The following CEP162 variants were observed in gnomAD, a reference collection of about 807,000 sequenced individuals.
The protein encoded by CEP162 is centrosomal protein of 162 kDa.
A neutral mutation model predicts 169.2 loss-of-function variants in CEP162; 141 were observed. The observed-to-expected ratio is 0.83, with a 90% CI of 0.73 to 0.96. The LOEUF (loss-of-function observed/expected upper bound fraction) is 0.96, where lower values mean the gene tolerates loss of function less well. Ranked by LOEUF, CEP162 falls within the 40% of genes least tolerant of loss-of-function variation. The pLI, the probability that CEP162 is intolerant of heterozygous loss-of-function variation, is 0.00. For synonymous variants in CEP162, 540 were observed against 526.4 expected (o/e 1.03, Z -0.35); for missense variants, 1,600 against 1,587.2 (o/e 1.01, Z -0.14).
chr6:84,169,338 C>A lies in CEP162; in HGVS notation c.2375G>T (p.Arg792Leu). 1 of 1,562,248 alleles carries A rather than the reference C, an allele frequency of 6.4e-7. No homozygotes were observed. The highest frequency in any genetic ancestry group is 8.7e-7 in the Non-Finnish European group (1 of 1,151,670). The part of the protein sequence containing the change: ...QNFTDLLAEL[R>L]MAQKEKDSLL... The stretch of plus-strand genomic sequence containing the variant: ...CGTTATGCAACTTACCTGTGCCATC[C>A]GTAGTTCTGCTAACAGATCTGTAAA... Residue 792 changes from arginine (R) to leucine (L), a missense_variant, in exon 18 of 27, where the codon CGG (arginine) becomes CTG (leucine). Physicochemically the swap from Arg to Leu is moderately radical, Grantham distance 102. Coordinates refer to ENST00000403245, the MANE Select transcript of CEP162 (RefSeq NM_014895.4).
chr6:84,155,769 C>T (rs1179758374), intron 21 of CEP162, among the ~76,000 whole-genome samples: 1 of 152,068 alleles, frequency 6.6e-6, no homozygotes, highest in Non-Finnish European at 1.5e-5. Flanking sequence ...TGTGCATAGA[C>T]TGGAAGGATT....
intron 21 of CEP162, among the ~76,000 whole-genome samples, chr6:84,157,185 T>A (rs938721872): frequency 6.6e-6 from 1 of 152,228 alleles, no homozygotes; most frequent in African/African-American, 2.4e-5. Context: ...ATTTAATGCA[T>A]AAACTTAGAT....
In CEP162 at chr6:84,194,868, A is replaced by T; in HGVS notation, c.1027+16T>A. 1.3e-6 allele frequency: 2 copies of T among 1,538,826 alleles called. No individual in the cohort carries two copies. Among genetic ancestry groups the T allele is most frequent in the Non-Finnish European group, 1.8e-6 (2 of 1,124,008 alleles). ...AGGATATCAAATAATTGAAAAATTC[A>T]TCTGTAAGTTTTTACCAGATTCCAT... On this transcript the variant is annotated intron_variant, in intron 10 of 26. Coordinates refer to ENST00000403245, the MANE Select transcript of CEP162 (RefSeq NM_014895.4).
chr6:84,178,855 C>T (rs1488026484), intron 13 of CEP162, among the ~76,000 whole-genome samples: 1 of 152,172 alleles, frequency 6.6e-6, no homozygotes, highest in Non-Finnish European at 1.5e-5. Flanking sequence ...GTTCCCCTTC[C>T]TGTGTCCAAG....
At chr6:84,211,095 A>G (rs2099549231) in intron 6 of CEP162, among the ~76,000 whole-genome samples, 1 of 152,214 alleles carries the variant, frequency 6.6e-6, no homozygotes, top group Non-Finnish European at 1.5e-5. Flanking sequence ...GAAAAGACAC[A>G]CAGAAATGAA....
intron 11 of CEP162, among the ~76,000 whole-genome samples, chr6:84,192,983 G>A (rs2127722725): frequency 6.6e-6 from 1 of 152,320 alleles, no homozygotes; most frequent in Admixed American, 6.5e-5. Context: ...TTAATCTCAG[G>A]TGCATTTCTT....
Position 84,207,674 on chromosome 6 carries a change from A to T in CEP162, c.572-3578T>A, listed in dbSNP as rs149513863. Among the ~76,000 whole-genome samples, 6 of 151,978 alleles carry T rather than the reference A, an allele frequency of 3.9e-5. No individual in the cohort carries two copies. The East Asian group carries it at 1.2e-3, about 29-fold the overall frequency. Reference sequence around the variant, plus strand: ...TGGCACATGTATACATATGTAACAAACCTGCACGTTGTGCACATGTACCCT... The same window carrying T: ...TGGCACATGTATACATATGTAACAATCCTGCACGTTGTGCACATGTACCCT... On this transcript the variant is annotated intron_variant, in intron 6 of 26. Transcript: ENST00000403245.
chr6:84,163,838 G>A (rs188854411), intron 18 of CEP162, among the ~76,000 whole-genome samples: 352 of 151,768 alleles, frequency 2.3e-3, no homozygotes, highest in Middle Eastern at 6.8e-3. Flanking sequence ...GGTGGTGCCC[G>A]CCACCATGAC....
At chr6:84,178,698 T>C (rs956329181) in intron 13 of CEP162, among the ~76,000 whole-genome samples, 2 of 152,178 alleles carry the variant, frequency 1.3e-5, no homozygotes, top group Non-Finnish European at 2.9e-5. Context: ...CTAGGGTACA[T>C]GTGCACAACG....
chr6:84,215,365 T>A lies in CEP162; in HGVS notation c.420A>T (p.Lys140Asn), dbSNP rs2099551143. Residue 140 changes from lysine to asparagine, a missense_variant, in exon 5 of 27, where the codon AAA (lysine) becomes AAT (asparagine). By Grantham distance (94) the Lys-to-Asn change is moderately conservative. Transcript: ENST00000403245. The part of the protein sequence containing the change: ...EKEQFFARLE[K>N]GLTSSIDYSR... ...AATAATCAATGGAAGATGTCAAGCC[T>A]TTCTCAAGCCTGGCAAAAAATTGTT... is the stretch of plus-strand genomic sequence containing the variant. 1 of 1,606,784 alleles carries A rather than the reference T, an allele frequency of 6.2e-7. No homozygotes were observed. The highest frequency in any genetic ancestry group is 1.3e-5 in the African/African-American group (1 of 74,848).
At chr6:84,222,094 C>T (rs1021103396) in intron 2 of CEP162, among the ~76,000 whole-genome samples, 1 of 152,082 alleles carries the variant, frequency 6.6e-6, no homozygotes, top group Non-Finnish European at 1.5e-5. Context: ...TTCCTTATCC[C>T]TACGTCCCTT....
rs2099531295 is a variant in CEP162, at chr6:84,174,102, C to T, written c.2112G>A (p.Lys704=). ...AADPVTGEKL[K]QIQKEIQEQE... is the part of the protein sequence containing the mutation. ...GTTCTTGTATTTCTTTTTGGATTTG[C>T]TTCAACTTTTCTCCAGTGACAGGAT... The change falls in exon 16 of 27, where the codon AAG becomes AAA. Residue 704 remains lysine, a synonymous_variant. Transcript: ENST00000403245. 4 of 1,611,944 alleles carry T rather than the reference C, an allele frequency of 2.5e-6. No homozygotes were observed. The South Asian group carries it at 3.3e-5, about 13-fold the overall frequency.
chr6:84,173,402 A>G (rs1335515073), intron 16 of CEP162, among the ~76,000 whole-genome samples: 3 of 152,248 alleles, frequency 2.0e-5, no homozygotes, highest in Admixed American at 6.5e-5. Flanking sequence ...TAAGCCCATC[A>G]TAAATTAAAA....
intron 11 of CEP162, among the ~76,000 whole-genome samples, chr6:84,190,107 G>A (rs973423321): frequency 6.6e-6 from 1 of 151,928 alleles, no homozygotes; most frequent in African/African-American, 2.4e-5. Context: ...TTTATATCTA[G>A]CTCAGGGATT....
At chr6:84,190,393 G>A (rs1050866989) in intron 11 of CEP162, among the ~76,000 whole-genome samples, 2 of 152,178 alleles carry the variant, frequency 1.3e-5, no homozygotes, top group African/African-American at 4.8e-5. Flanking sequence ...GCCCGAGCCA[G>A]CATTGGCAAC....
chr6:84,212,979 T>C lies in CEP162; in HGVS notation c.549A>G (p.Glu183=), dbSNP rs1318254339. The part of the protein sequence containing the change: ...AELTDDEHEN[E]SKHEELAENY... ...TACCTGCCAGTTCTTCATGTTTCGA[T>C]TCATTCTCATGTTCGTCATCAGTTA... Residue 183 remains glutamate, a synonymous_variant, in exon 6 of 27, where the codon GAA becomes GAG. Coordinates refer to ENST00000403245, the MANE Select transcript of CEP162 (RefSeq NM_014895.4). 1.9e-6 allele frequency: 3 copies of C among 1,553,854 alleles called. No homozygotes were observed. Among genetic ancestry groups the C allele is most frequent in the Admixed American group, 3.7e-5 (2 of 53,412 alleles).
intron 25 of CEP162, among the ~76,000 whole-genome samples, chr6:84,138,435 G>T (rs1042970324): frequency 9.9e-5 from 15 of 152,172 alleles, no homozygotes; most frequent in African/African-American, 2.9e-4. Flanking sequence ...CCACCACCCT[G>T]AGAGGAAATG....
At chr6:84,141,955 G>A (rs1214043782) in intron 25 of CEP162, among the ~76,000 whole-genome samples, 1 of 152,104 alleles carries the variant, frequency 6.6e-6, no homozygotes, top group African/African-American at 2.4e-5. Flanking sequence ...CCTTCTTGGA[G>A]AAAACTTCCG....
At chr6:84,133,012 T>A (rs1005417924) in intron 25 of CEP162, among the ~76,000 whole-genome samples, 1 of 152,184 alleles carries the variant, frequency 6.6e-6, no homozygotes, top group Non-Finnish European at 1.5e-5. Flanking sequence ...TGGTCTTTGA[T>A]GATGGTGACC....
Sources: gnomAD v4.1 joint callset for allele counts (sites outside exome capture counted in the v4.1 genomes callset) on GRCh38, gnomAD v4.1.1 for gene constraint, MANE v1.5 for transcripts, NCBI Gene and HGNC (gene_info 2026-07-23, HGNC 2026-07-21) for gene names.